Variants in PTPRQ observed in about 807,000 individuals in gnomAD.
PTPRQ encodes phosphatidylinositol phosphatase PTPRQ.
A neutral mutation model predicts 246.0 loss-of-function variants in PTPRQ; 199 were observed. The observed-to-expected ratio is 0.81, with a 90% CI of 0.72 to 0.91. PTPRQ has a LOEUF of 0.91. PTPRQ is among the 40% of genes least tolerant of loss of function. The pLI is 0.00. For synonymous variants in PTPRQ, 869 were observed against 853.2 expected (o/e 1.02, Z -0.32); for missense variants, 2,624 against 2,528.4 (o/e 1.04, Z -0.81).
intron 8 of PTPRQ, among the ~76,000 whole-genome samples, chr12:80,473,477 G>C (rs1189029568): frequency 1.3e-5 from 2 of 152,184 alleles, no homozygotes; most frequent in Admixed American, 1.3e-4. Flanking sequence ...TCTTAATAGA[G>C]TTTTCTCAAC....
intron 16 of PTPRQ, among the ~76,000 whole-genome samples, chr12:80,507,087 G>T (rs575182976): frequency 1.3e-5 from 2 of 151,960 alleles, no homozygotes; most frequent in South Asian, 2.1e-4. Flanking sequence ...CGATATTAAT[G>T]ATTAACTTGA....
chr12:80,513,488 C>G (rs1895185532), intron 17 of PTPRQ, among the ~76,000 whole-genome samples: 1 of 152,076 alleles, frequency 6.6e-6, no homozygotes, highest in Non-Finnish European at 1.5e-5. Flanking sequence ...GTGTGTGTGC[C>G]CGTTAGGGTC....
chr12:80,461,982 C>T (rs1035394610), intron 6 of PTPRQ: 73 of 623,038 alleles, frequency 1.2e-4, no homozygotes, highest in Admixed American at 1.9e-4. Flanking sequence ...GGTACCCGTT[C>T]GTCTCACTAG....
At chr12:80,609,173 T>TA (rs1195276804) in intron 27 of PTPRQ, among the ~76,000 whole-genome samples, 10 of 149,912 alleles carry the variant, frequency 6.7e-5, no homozygotes, top group South Asian at 4.2e-4. Flanking sequence ...ATCTTTTTTT[T>TA]AAAAAAAAAT....
At chr12:80,559,157 G>A (rs1896752776) in intron 25 of PTPRQ, among the ~76,000 whole-genome samples, 1 of 152,084 alleles carries the variant, frequency 6.6e-6, no homozygotes, top group Admixed American at 6.6e-5. Context: ...CAATTCTCCT[G>A]CCCCAGCCTC....
intron 29 of PTPRQ, among the ~76,000 whole-genome samples, chr12:80,614,991 G>A (rs1470473771): frequency 6.6e-6 from 1 of 150,832 alleles, no homozygotes; most frequent in Non-Finnish European, 1.5e-5. Context: ...AGTTTGTTAG[G>A]ATGTATAACT....
intron 35 of PTPRQ, among the ~76,000 whole-genome samples, chr12:80,638,616 G>A (rs1377823228): frequency 1.3e-5 from 2 of 152,126 alleles, no homozygotes; most frequent in East Asian, 3.9e-4. Flanking sequence ...AACCCATTCT[G>A]TAATTTTTGT....
intron 17 of PTPRQ, among the ~76,000 whole-genome samples, chr12:80,533,087 T>C (rs1895890052): frequency 6.6e-6 from 1 of 152,200 alleles, no homozygotes; most frequent in South Asian, 2.1e-4. Context: ...ATGAGACATA[T>C]ACTTTTTCAG....
chr12:80,661,678 T>C (rs909958608), intron 39 of PTPRQ, among the ~76,000 whole-genome samples: 7 of 151,786 alleles, frequency 4.6e-5, no homozygotes, highest in South Asian at 2.1e-4. Flanking sequence ...ACATTTTTTT[T>C]CCCTAGAGCT....
At chr12:80,469,617 T>C (rs1021535395) in intron 7 of PTPRQ, among the ~76,000 whole-genome samples, 1 of 152,174 alleles carries the variant, frequency 6.6e-6, no homozygotes, top group African/African-American at 2.4e-5. Context: ...CTCATTTTAT[T>C]TTGCAATTTC....
chr12:80,592,774 C>T (rs1897843331), intron 26 of PTPRQ, among the ~76,000 whole-genome samples: 1 of 152,122 alleles, frequency 6.6e-6, no homozygotes, highest in South Asian at 2.1e-4. Context: ...CTTTGGGAGG[C>T]TGATGCGGGC....
intron 33 of PTPRQ, among the ~76,000 whole-genome samples, chr12:80,625,961 C>T (rs546476113): frequency 6.6e-6 from 1 of 152,222 alleles, no homozygotes; most frequent in East Asian, 1.9e-4. Flanking sequence ...ATTTGAAAAC[C>T]AGACACCCGT....
intron 9 of PTPRQ, among the ~76,000 whole-genome samples, chr12:80,490,699 C>G (rs968008906): frequency 6.6e-6 from 1 of 151,872 alleles, no homozygotes; most frequent in African/African-American, 2.4e-5. Flanking sequence ...TTCAGAATGT[C>G]AGTAGTGCTG....
At chr12:80,543,731 C>G (rs779999536) in intron 23 of PTPRQ, among the ~76,000 whole-genome samples, 3 of 151,954 alleles carry the variant, frequency 2.0e-5, no homozygotes, top group Admixed American at 6.6e-5. Flanking sequence ...TTTATGTCAT[C>G]GGGAACAATG....
intron 27 of PTPRQ, among the ~76,000 whole-genome samples, chr12:80,606,986 T>A (rs953722571): frequency 6.6e-6 from 1 of 151,136 alleles, no homozygotes; most frequent in Middle Eastern, 3.4e-3. Context: ...ATAAAACATA[T>A]TAAGAAGTGA....
chr12:80,483,543 G>T (rs1440989308), intron 8 of PTPRQ, among the ~76,000 whole-genome samples: 8 of 151,136 alleles, frequency 5.3e-5, no homozygotes, highest in African/African-American at 1.5e-4. Flanking sequence ...AGAAAAAAAA[G>T]AAATTTAGTA....
intron 14 of PTPRQ, among the ~76,000 whole-genome samples, chr12:80,498,366 C>A (rs4271444): frequency 6.6e-6 from 1 of 151,916 alleles, no homozygotes; most frequent in Non-Finnish European, 1.5e-5. Context: ...CTAAGTCTAA[C>A]GAAAAATGGA....
chr12:80,591,946 T>C (rs1162207320), intron 26 of PTPRQ, among the ~76,000 whole-genome samples: 1 of 152,214 alleles, frequency 6.6e-6, no homozygotes, highest in East Asian at 1.9e-4. Flanking sequence ...ACAAGATGTT[T>C]AATTAGCATA....
chr12:80,580,390 T>A (rs1897396614), intron 25 of PTPRQ, among the ~76,000 whole-genome samples: 1 of 152,228 alleles, frequency 6.6e-6, no homozygotes, highest in Non-Finnish European at 1.5e-5. Flanking sequence ...CATGGAATGA[T>A]GTGTTCAAAT....
Sources: allele counts gnomAD v4.1 joint callset (sites outside exome capture counted in the v4.1 genomes callset), GRCh38; gene constraint gnomAD v4.1.1; transcripts MANE v1.5; gene names NCBI Gene and HGNC (gene_info 2026-07-23, HGNC 2026-07-21).